Variants in MYH14 observed in about 807,000 individuals in gnomAD.
MYH14 encodes the protein myosin-14.
A neutral mutation model predicts 255.5 loss-of-function variants in MYH14; 123 were observed. The observed-to-expected ratio is 0.48, with a 90% CI of 0.42 to 0.56. The LOEUF (loss-of-function observed/expected upper bound fraction) is 0.56. Among genes scored for constraint, MYH14 ranks in the 20% least tolerant of loss-of-function variants. The pLI is 0.00. For synonymous variants in MYH14, 1,095 were observed against 1,161.2 expected (o/e 0.94, Z 1.16); for missense variants, 2,423 against 2,802.3 (o/e 0.86, Z 3.06).
At chr19:50,285,122 C>T (rs1331081912) in intron 33 of MYH14, 1 of 151,900 alleles carries the variant, frequency 6.6e-6, no homozygotes, top group African/African-American at 2.4e-5. Flanking sequence ...TCTTGAACTC[C>T]TGACTTCAGG....
In MYH14 at chr19:50,249,927, C is replaced by T. The variant is rs960108341; in HGVS notation, c.1656+104C>T. 10 of 1,415,574 alleles carry T rather than the reference C, an allele frequency of 7.1e-6. No individual in the cohort carries two copies. The African/African-American group carries it at 1.3e-4, about 18-fold the overall frequency. 87.7% of individuals were successfully genotyped at this position (1,415,574 alleles called of 1,614,324 possible). A position where few individuals can be genotyped will look rare whatever the true frequency, so the allele number is the denominator to read the frequency against. ...TCCTCCTCTGCTGGGCCTCAGGATGCCCCATGGGTTCTGTGGGGAAGGTGA... is the reference window on the plus strand; with the variant it reads ...TCCTCCTCTGCTGGGCCTCAGGATGTCCCATGGGTTCTGTGGGGAAGGTGA... On this transcript the variant is annotated intron_variant, in intron 14 of 42. Transcript: ENST00000642316.
intron 1 of MYH14, among the ~76,000 whole-genome samples, chr19:50,207,408 C>T (rs2031869639): frequency 6.6e-6 from 1 of 151,958 alleles, no homozygotes. Flanking sequence ...GGAATTGCCA[C>T]TACTGCCCAT....
At chr19:50,272,496 C>T in intron 26 of MYH14, 64 bp from the exon 27 acceptor site, 2 of 1,529,478 alleles carry the variant, frequency 1.3e-6, no homozygotes, top group Non-Finnish European at 1.8e-6. Flanking sequence ...CCTGTGGTCT[C>T]TGTGAGAGCG....
rs138470544 is a variant in MYH14, at chr19:50,301,234, C to T, written c.5470-427C>T. Among the ~76,000 whole-genome samples the T allele has an allele frequency of 5.1e-3, 779 of 152,294 alleles. 10 individuals are homozygous for T. Among genetic ancestry groups the T allele is most frequent in the African/African-American group, 0.018 (746 of 41,554 alleles). On this transcript the variant is annotated intron_variant, in intron 39 of 42. Transcript: ENST00000642316. ...GTTATAAGTGCAGATTCCCAGACTC[C>T]ACTTTGGTATTGCTGAGTCAGAATC...
chr19:50,212,002 A>T (rs1042799275), intron 2 of MYH14, among the ~76,000 whole-genome samples: 1 of 152,042 alleles, frequency 6.6e-6, no homozygotes. Flanking sequence ...AAAACGAAAC[A>T]ATACAAAAAC....
At chr19:50,306,977 T>C in intron 40 of MYH14, 72 bp from the exon 41 acceptor site, 1 of 1,099,934 alleles carries the variant, frequency 9.1e-7, no homozygotes, top group Non-Finnish European at 1.4e-6. Flanking sequence ...TGACAGCCAC[T>C]GCATGAGTCT....
intron 5 of MYH14, 104 bp from the exon 6 acceptor site, chr19:50,224,050 C>A: frequency 1.2e-6 from 1 of 821,448 alleles, no homozygotes; most frequent in South Asian, 1.7e-5. Flanking sequence ...CCCCCTTCCC[C>A]CACCCCCCAT....
chr19:50,278,093 C>T lies in MYH14; in HGVS notation c.3836C>T (p.Ala1279Val). The change falls in exon 30 of 43, where the codon GCA (alanine) becomes GTA (valine). Residue 1279 changes from alanine (A) to valine (V), a missense_variant. Around this residue, in one of 3 missense-constraint regions of MYH14, gnomAD observed 1,513 missense variants for 1,674.8 expected, o/e 0.90. Transcript: ENST00000642316. ...QLEQARRGKG[A>V]WEKTRLALEA... ...TCCTTCCCACACCAGGGCAAAGGTG[C>T]ATGGGAGAAGACCCGGCTGGCCCTG... The T allele has an allele frequency of 7.6e-6, 12 of 1,583,788 alleles. No homozygotes were observed. Among genetic ancestry groups the T allele is most frequent in the Non-Finnish European group, 1.0e-5 (12 of 1,159,634 alleles).
At position 50,259,248 on chromosome 19, in the gene MYH14, C is replaced by T; in HGVS notation, c.2337C>T (p.Phe779=). 2 of 1,585,092 alleles carry T rather than the reference C, an allele frequency of 1.3e-6. No homozygotes were observed. Among genetic ancestry groups the T allele is most frequent in the Non-Finnish European group, 1.7e-6 (2 of 1,165,060 alleles). Reference sequence around the variant, plus strand: ...AGGGCTTCCCCAACCGCATCCTCTTCCAGGAGTTCCGGCAGCGGTGAGCTA... The same window carrying T: ...AGGGCTTCCCCAACCGCATCCTCTTTCAGGAGTTCCGGCAGCGGTGAGCTA... ...CRQGFPNRIL[F]QEFRQRYEIL... The change falls in exon 19 of 43, where the codon TTC becomes TTT. Residue 779 remains phenylalanine, a synonymous_variant. Transcript: ENST00000642316.
chr19:50,224,233 C>A, intron 6 of MYH14, 56 bp downstream of exon 6: 1 of 1,612,446 alleles, frequency 6.2e-7, no homozygotes, highest in East Asian at 2.2e-5. Flanking sequence ...TCCCGGCCAC[C>A]CAATGCATGA....
At chr19:50,251,484 CACACATATATATAT>C (rs1220632807) in intron 15 of MYH14, among the ~76,000 whole-genome samples, 2 of 141,158 alleles carry the variant, frequency 1.4e-5, no homozygotes, top group Non-Finnish European at 3.0e-5. Context: ...TATATATATA[CACACATATATATAT>C]ACACACATAT....
At chr19:50,292,827 C>T (rs1342947783) in intron 37 of MYH14, among the ~76,000 whole-genome samples, 2 of 151,292 alleles carry the variant, frequency 1.3e-5, no homozygotes. Context: ...GAGAGAGAAC[C>T]CTGAGCCAGG....
chr19:50,210,267 A>C, intron 1 of MYH14, 96 bp from the exon 2 acceptor site: 6 of 1,189,652 alleles, frequency 5.0e-6, no homozygotes, highest in Non-Finnish European at 4.6e-6. Context: ...TGGTAAAGGA[A>C]GGCAGAGGTG....
chr19:50,264,817 G>C (rs2035022818), intron 22 of MYH14, among the ~76,000 whole-genome samples: 1 of 152,174 alleles, frequency 6.6e-6, no homozygotes. Context: ...GATGAGCCAG[G>C]CTGGCATCAC....
At chr19:50,247,740 G>T (rs796587506) in intron 12 of MYH14, among the ~76,000 whole-genome samples, 2 of 152,096 alleles carry the variant, frequency 1.3e-5, no homozygotes, top group African/African-American at 4.8e-5. Context: ...GGCCCTGGGG[G>T]TGGAGCAGGC....
chr19:50,278,058 T>A, intron 29 of MYH14, 25 bp from the exon 30 acceptor site: 1 of 1,512,784 alleles, frequency 6.6e-7, no homozygotes, highest in Non-Finnish European at 8.9e-7. Flanking sequence ...CTCATAGATC[T>A]TTGCTCATCT....
intron 40 of MYH14, 116 bp from the exon 41 acceptor site, chr19:50,306,933 A>G: frequency 1.3e-6 from 1 of 755,688 alleles, no homozygotes; most frequent in South Asian, 1.5e-5. Flanking sequence ...CTTAGGGGTT[A>G]GGAAAGAGGG....
At chr19:50,262,514 G>C (rs1432153960) in intron 21 of MYH14, among the ~76,000 whole-genome samples, 6 of 151,774 alleles carry the variant, frequency 4.0e-5, no homozygotes, top group Non-Finnish European at 5.9e-5. Flanking sequence ...CTCCAGCCTG[G>C]GTGGCAGAGT....
At chr19:50,271,633 C>T in intron 25 of MYH14, 87 bp downstream of exon 25, 1 of 1,529,202 alleles carries the variant, frequency 6.5e-7, no homozygotes, top group African/African-American at 1.4e-5. Flanking sequence ...TGGGGGTTAC[C>T]ACACTGCGGT....
Sources: gnomAD v4.1 joint callset for allele counts (sites outside exome capture counted in the v4.1 genomes callset) on GRCh38, gnomAD v4.1.1 for gene constraint, gnomAD v4.1.1 regional missense constraint, MANE v1.5 for transcripts, NCBI Gene and HGNC (gene_info 2026-07-23, HGNC 2026-07-21) for gene names.